Variants in NID2 observed in about 807,000 individuals in gnomAD.
The protein encoded by NID2 is nidogen-2.
NID2 carries 83 observed loss-of-function variants against 145.4 expected under a neutral mutation model. The observed-to-expected ratio is 0.57, with a 90% CI of 0.48 to 0.69. The LOEUF is 0.69. NID2 is among the 30% of genes least tolerant of loss of function. The pLI is 0.00. For missense variants in NID2, 1,807 were observed against 1,765.7 expected (o/e 1.02, Z -0.42); for synonymous variants, 739 against 701.3 (o/e 1.05, Z -0.85).
intron 9 of NID2, among the ~76,000 whole-genome samples, chr14:52,037,577 T>A (rs1892117844): frequency 6.6e-6 from 1 of 152,228 alleles, no homozygotes; most frequent in East Asian, 1.9e-4. Context: ...GATTTCGAGT[T>A]TGAGAAATAC....
At position 52,042,910 on chromosome 14, in the gene NID2, T is replaced by A; in HGVS notation, c.1451A>T (p.Asn484Ile). The A allele has an allele frequency of 1.2e-6, 2 of 1,614,216 alleles. No homozygotes were observed. Among genetic ancestry groups the A allele is most frequent in the Non-Finnish European group, 1.7e-6 (2 of 1,180,038 alleles). The part of the protein sequence containing the change: ...NTEVFTYNAA[N>I]KETCEHNHRQ... The stretch of plus-strand genomic sequence containing the variant: ...GTGGTTGTGTTCACAGGTTTCCTTG[T>A]TGGCAGCATTATACGTGAAGACTGA... Residue 484 changes from asparagine (N) to isoleucine (I), a missense_variant, in exon 6 of 22, where the codon AAC becomes ATC. Coordinates refer to ENST00000216286, the MANE Select transcript of NID2 (RefSeq NM_007361.4).
intron 20 of NID2, chr14:52,006,233 T>C: frequency 2.5e-6 from 1 of 394,574 alleles, no homozygotes; most frequent in Non-Finnish European, 4.7e-6. Flanking sequence ...GTAGTCTTAT[T>C]CTCTAAAGAA....
At chr14:52,006,737 A>G (rs1410124803) in intron 19 of NID2, 77 bp from the exon 20 acceptor site, 7 of 1,479,678 alleles carry the variant, frequency 4.7e-6, no homozygotes, top group Non-Finnish European at 6.5e-6. Flanking sequence ...ATAGTGACAC[A>G]GTGATAGAAT....
At chr14:52,007,374 CAAAT>C in intron 19 of NID2, 1 of 181,842 alleles carries the variant, frequency 5.5e-6, no homozygotes, top group Non-Finnish European at 1.1e-5. Context: ...TAAAAGCAAA[CAAAT>C]GTAGGTTGCT....
Position 52,005,717 on chromosome 14 carries a change from T to C in NID2, c.4117+20A>G, listed in dbSNP as rs1177750938. 1 of 1,578,580 alleles carries C rather than the reference T, an allele frequency of 6.3e-7. No individual in the cohort carries two copies. Among genetic ancestry groups the C allele is most frequent in the African/African-American group, 1.3e-5 (1 of 74,428 alleles). ...TCTACCCTGCTAATTTAAAGGAGCA[T>C]CCTAAAGCATACTTTTTACCTGTTG... On this transcript the variant is annotated intron_variant, in intron 21 of 21. Coordinates refer to ENST00000216286, the MANE Select transcript of NID2 (RefSeq NM_007361.4).
At chr14:52,021,174 G>C (rs1204662121) in intron 12 of NID2, among the ~76,000 whole-genome samples, 1 of 151,896 alleles carries the variant, frequency 6.6e-6, no homozygotes, top group East Asian at 1.9e-4. Flanking sequence ...AAACAAAGCA[G>C]TAGTTCCATC....
chr14:52,052,167 T>C (rs1892701226), intron 5 of NID2, among the ~76,000 whole-genome samples: 2 of 152,222 alleles, frequency 1.3e-5, no homozygotes, highest in Non-Finnish European at 2.9e-5. Context: ...ACTCATACTG[T>C]AAATTCTGGA....
At chr14:52,035,374 G>A (rs1269616902) in intron 9 of NID2, among the ~76,000 whole-genome samples, 3 of 152,270 alleles carry the variant, frequency 2.0e-5, no homozygotes, top group African/African-American at 7.2e-5. Flanking sequence ...TCTGTATGTA[G>A]CCTTTTCAGA....
At chr14:52,030,441 C>A (rs964343953) in intron 9 of NID2, among the ~76,000 whole-genome samples, 1 of 144,588 alleles carries the variant, frequency 6.9e-6, no homozygotes, top group Admixed American at 7.2e-5. Context: ...AGTTCAAGAC[C>A]AGCCTGGGCA....
chr14:52,037,621 G>A, intron 9 of NID2, among the ~76,000 whole-genome samples: 1 of 152,062 alleles, frequency 6.6e-6, no homozygotes, highest in East Asian at 1.9e-4. Flanking sequence ...AGATTGTTTT[G>A]GCTATTCTGT....
Position 52,005,763 on chromosome 14 carries a change from G to A in NID2, c.4091C>T (p.Thr1364Ile). Residue 1364 changes from threonine to isoleucine, a missense_variant, in exon 21 of 22, where the codon ACT becomes ATT. Coordinates refer to ENST00000216286, the MANE Select transcript of NID2 (RefSeq NM_007361.4). ...TGTTGGGCAGTAGGGGTAGACTGCA[G>A]TTATCCCGTAGAGGTGAGATCGTTG... Reference protein sequence around the residue: ...PEQRSHLYGITAVYPYCPTGR... With the variant: ...PEQRSHLYGIIAVYPYCPTGR... 6.2e-7 allele frequency: 1 copy of A among 1,613,756 alleles called. No homozygotes were observed. The highest frequency in any genetic ancestry group is 8.5e-7 in the Non-Finnish European group (1 of 1,179,682).
At chr14:52,013,043 T>C (rs1202872389) in intron 16 of NID2, among the ~76,000 whole-genome samples, 1 of 152,202 alleles carries the variant, frequency 6.6e-6, no homozygotes, top group East Asian at 1.9e-4. Flanking sequence ...ATTTGAAAAT[T>C]GAAAAGTCGT....
chr14:52,051,337 A>G (rs1358559618), intron 5 of NID2, among the ~76,000 whole-genome samples: 2 of 152,212 alleles, frequency 1.3e-5, no homozygotes, highest in East Asian at 1.9e-4. Flanking sequence ...AGTTCTTGCA[A>G]GTATATGACG....
At position 52,054,351 on chromosome 14, in the gene NID2, A is replaced by T. The variant is rs1892782333; in HGVS notation, c.768-30T>A. ...ATAAAAAGGAAACAGTCATTGTAAC[A>T]AATGTAACAAAAGTGTCCATTCACC... is the stretch of plus-strand genomic sequence containing the variant. On this transcript the variant is annotated intron_variant, in intron 3 of 21. Transcript: ENST00000216286. 3 of 1,586,014 alleles carry T rather than the reference A, an allele frequency of 1.9e-6. No homozygotes were observed. In the Admixed American group the frequency reaches 5.3e-5, roughly 28 times the overall value.
chr14:52,016,583 T>A (rs1891220771), intron 14 of NID2, among the ~76,000 whole-genome samples: 1 of 152,208 alleles, frequency 6.6e-6, no homozygotes, highest in African/African-American at 2.4e-5. Flanking sequence ...AGAATATCTT[T>A]ACTTCTCACT....
chr14:52,038,596 C>T, intron 9 of NID2, 151 bp downstream of exon 9: 1 of 534,858 alleles, frequency 1.9e-6, no homozygotes. Context: ...CCTCTGTTTC[C>T]AACTCAAGGG....
chr14:52,023,559 A>G (rs1257982247), intron 12 of NID2, among the ~76,000 whole-genome samples: 1 of 152,198 alleles, frequency 6.6e-6, no homozygotes, highest in Non-Finnish European at 1.5e-5. Flanking sequence ...GCCCCTGAGT[A>G]ATGATGGCTC....
In NID2 at chr14:52,019,213, T is replaced by C; in HGVS notation, c.2876A>G (p.His959Arg). 2.5e-6 allele frequency: 4 copies of C among 1,613,570 alleles called. No homozygotes were observed. The highest frequency in any genetic ancestry group is 3.4e-6 in the Non-Finnish European group (4 of 1,179,534). The change falls in exon 14 of 22, where the codon CAC becomes CGC. Residue 959 changes from histidine to arginine, a missense_variant. His to Arg is a conservative substitution (Grantham distance 29, BLOSUM62 0). Transcript: ENST00000216286. ...GCCCTGCTCGTCGCATTGGGGGATG[T>C]GGAACCGGGCCCCAGGGTAGGCATA... ...AQYAYPGARF[H>R]IPQCDEQGNF...
At chr14:52,006,258 T>C (rs1890777416) in intron 20 of NID2, 1 of 417,588 alleles carries the variant, frequency 2.4e-6, no homozygotes, top group Non-Finnish European at 4.4e-6. Context: ...TTTAGATTAA[T>C]ATGCTCCCTT....
Sources: gnomAD v4.1 joint callset for allele counts (sites outside exome capture counted in the v4.1 genomes callset) on GRCh38, gnomAD v4.1.1 for gene constraint, MANE v1.5 for transcripts, NCBI Gene and HGNC (gene_info 2026-07-23, HGNC 2026-07-21) for gene names.